The following CPXM2 variants were observed in gnomAD, a reference collection of about 807,000 sequenced individuals.
CPXM2 encodes the protein carboxypeptidase X, M14 family member 2, also known as inactive carboxypeptidase-like protein X2.
A neutral mutation model predicts 86.1 loss-of-function variants in CPXM2; 66 were observed. The ratio of observed to expected loss-of-function variants is 0.77; its 90% CI spans 0.63 to 0.94. The LOEUF (loss-of-function observed/expected upper bound fraction) is 0.94. CPXM2 is among the 40% of genes least tolerant of loss of function. CPXM2 has a pLI of 0.00. For missense variants in CPXM2, 948 were observed against 1,026.3 expected (o/e 0.92, Z 1.04); for synonymous variants, 388 against 400.2 (o/e 0.97, Z 0.36).
At chr10:123,814,043 C>A (rs1847752735) in intron 4 of CPXM2, among the ~76,000 whole-genome samples, 1 of 152,200 alleles carries the variant, frequency 6.6e-6, no homozygotes, top group Non-Finnish European at 1.5e-5. Context: ...CCAATACATT[C>A]TTTTCTGGGA....
chr10:123,785,532 C>A (rs1285866365), intron 6 of CPXM2, among the ~76,000 whole-genome samples: 1 of 152,148 alleles, frequency 6.6e-6, no homozygotes, highest in Non-Finnish European at 1.5e-5. Context: ...TCCCTGGCAG[C>A]CTGGGATGGT....
intron 13 of CPXM2, chr10:123,752,325 T>C: frequency 5.1e-6 from 5 of 984,898 alleles, no homozygotes; most frequent in Non-Finnish European, 4.8e-6. Context: ...TGAAGCCTCA[T>C]GGTTCATGGC....
rs747046403 is a variant in CPXM2, at chr10:123,914,072, T to C, written n.174+25405A>G. On this transcript the variant is annotated intron_variant and non_coding_transcript_variant, in intron 2 of 19. Transcript: ENST00000368854. ...GTGTCATTTGGTGGCTTGACCTCTT[T>C]GGCATGGAGCATGCAATTTGGGAGG... 1.4e-5 allele frequency: 7 copies of C among 485,090 alleles called. No individual in the cohort carries two copies. In the East Asian group the frequency reaches 2.9e-4, roughly 20 times the overall value. 30.0% of individuals were successfully genotyped at this position (485,090 alleles called of 1,614,324 possible).
chr10:123,867,524 TTTC>T, intron 2 of CPXM2, among the ~76,000 whole-genome samples: 1 of 148,328 alleles, frequency 6.7e-6, no homozygotes, highest in African/African-American at 2.5e-5. Flanking sequence ...TAGAGATTTC[TTTC>T]TTTTTTTTTT....
intron 3 of CPXM2, among the ~76,000 whole-genome samples, chr10:123,854,363 TATATATATATA>T (rs566230060): frequency 0.15 from 16,157 of 111,394 alleles, 1,379 homozygotes; most frequent in Middle Eastern, 0.23. Flanking sequence ...TATATAAAAA[TATATATATATA>T]ATATATATAT....
At position 123,891,669 on chromosome 10, in the gene CPXM2, G is replaced by T. The variant is rs1177298162; in HGVS notation, c.-10C>A. On this transcript the variant is annotated 5_prime_UTR_variant, in exon 1 of 14. Coordinates refer to ENST00000241305, the MANE Select transcript of CPXM2 (RefSeq NM_198148.3). This position sits in a 1 kb window ranked among gnomAD's most constrained non-coding sequence, Gnocchi z 5.6. ...TCCCCGGGCGGGACATGCCTGCTCC[G>T]CCCCGCGCCCAGGGCAGGGTCACGG... The T allele has an allele frequency of 4.4e-6, 6 of 1,378,626 alleles. No homozygotes were observed. In the East Asian group the frequency reaches 1.8e-4, roughly 42 times the overall value. The allele number at this position is 1,378,626 out of a possible 1,614,324, so 85.4% of individuals were successfully genotyped here. A position where few individuals can be genotyped will look rare whatever the true frequency, so the allele number is the denominator to read the frequency against.
At chr10:123,852,871 G>A (rs527439742) in intron 3 of CPXM2, among the ~76,000 whole-genome samples, 4 of 152,128 alleles carry the variant, frequency 2.6e-5, no homozygotes, top group South Asian at 2.1e-4. Context: ...CCAGCTGTCC[G>A]CTGGTTTTGT....
At chr10:123,751,961 A>G in intron 13 of CPXM2, 1 of 985,384 alleles carries the variant, frequency 1.0e-6, no homozygotes, top group Non-Finnish European at 1.2e-6. Context: ...TAGGCAAAGT[A>G]TTCTATCTTG....
intron 3 of CPXM2, among the ~76,000 whole-genome samples, chr10:123,844,270 G>A (rs921568297): frequency 6.6e-6 from 1 of 151,784 alleles, no homozygotes. Flanking sequence ...TAGGGAAATC[G>A]CTGATAAATT....
intron 2 of CPXM2, among the ~76,000 whole-genome samples, chr10:123,918,738 G>T (rs1406411427): frequency 6.6e-6 from 1 of 152,162 alleles, no homozygotes; most frequent in Non-Finnish European, 1.5e-5. Context: ...ATCCCCTTCA[G>T]CAGCAGTGGT....
intron 10 of CPXM2, among the ~76,000 whole-genome samples, chr10:123,766,309 G>T (rs890017506): frequency 6.6e-6 from 1 of 152,158 alleles, no homozygotes; most frequent in Admixed American, 6.5e-5. Context: ...AAGAAAGAAA[G>T]AAACTTTTAC....
chr10:123,796,645 C>G (rs906926341), intron 6 of CPXM2, among the ~76,000 whole-genome samples: 1 of 152,140 alleles, frequency 6.6e-6, no homozygotes, highest in Non-Finnish European at 1.5e-5. Flanking sequence ...AATTAAATGA[C>G]CTTCAGTATG....
rs142038759 is a variant in CPXM2 at position 123,939,931 on chromosome 10, G to A, written n.119+218C>T. ...GCTGAAGAGCTAGCACGTACTTCCT[G>A]TCCACACAGGCAGAGCTGGGTAGGG... On this transcript the variant is annotated intron_variant and non_coding_transcript_variant, in intron 1 of 19. Coordinates refer to the CPXM2 transcript ENST00000368854. 2.6e-3 allele frequency among the ~76,000 whole-genome samples: 397 copies of A among 152,304 alleles called. 3 individuals are homozygous for A. The highest frequency in any genetic ancestry group is 9.1e-3 in the African/African-American group (379 of 41,556).
intron 2 of CPXM2, among the ~76,000 whole-genome samples, chr10:123,902,271 G>A (rs1010590999): frequency 2.6e-5 from 4 of 152,168 alleles, no homozygotes; most frequent in East Asian, 1.9e-4. Context: ...GGGCCTGAGC[G>A]CCTCCCATTC....
chr10:123,840,517 G>A (rs1914531), intron 4 of CPXM2, among the ~76,000 whole-genome samples: 51,353 of 152,056 alleles, frequency 0.34, 10,080 homozygotes, highest in African/African-American at 0.54. Flanking sequence ...TGGGACAGTG[G>A]TGGAGGTGTG....
chr10:123,923,451 G>A (rs550745133), intron 2 of CPXM2, among the ~76,000 whole-genome samples: 2 of 150,760 alleles, frequency 1.3e-5, no homozygotes, highest in Non-Finnish European at 2.9e-5. Context: ...CGTGGTGGCG[G>A]GCGCCTGTAG....
At chr10:123,828,193 A>G (rs932297436) in intron 4 of CPXM2, among the ~76,000 whole-genome samples, 1 of 152,296 alleles carries the variant, frequency 6.6e-6, no homozygotes, top group African/African-American at 2.4e-5. Flanking sequence ...AAAGAAAAAA[A>G]GTTAAAGAAA....
intron 2 of CPXM2, among the ~76,000 whole-genome samples, chr10:123,900,172 G>C (rs1473633598): frequency 3.9e-5 from 6 of 152,164 alleles, no homozygotes; most frequent in Non-Finnish European, 7.3e-5. Flanking sequence ...TTCCCTAGTA[G>C]TTGGGATTAC....
chr10:123,918,849 A>G (rs1297537204), intron 2 of CPXM2, among the ~76,000 whole-genome samples: 1 of 152,148 alleles, frequency 6.6e-6, no homozygotes, highest in African/African-American at 2.4e-5. Flanking sequence ...TGAGGTGGGA[A>G]GGACGTCTGT....
Sources: allele counts gnomAD v4.1 joint callset (sites outside exome capture counted in the v4.1 genomes callset), GRCh38; gene constraint gnomAD v4.1.1; non-coding constraint Gnocchi (gnomAD v3.1); transcripts MANE v1.5; gene names NCBI Gene and HGNC (gene_info 2026-07-23, HGNC 2026-07-21).